The following ABCD4 variants were observed in gnomAD, a reference collection of about 807,000 sequenced individuals.
The protein encoded by ABCD4 is lysosomal cobalamin transporter ABCD4.
A neutral mutation model predicts 86.3 loss-of-function variants in ABCD4; 53 were observed. The ratio of observed to expected loss-of-function variants is 0.61; its 90% confidence interval spans 0.49 to 0.77. The LOEUF (loss-of-function observed/expected upper bound fraction) is 0.77, where lower values mean the gene tolerates loss of function less well. Among genes scored for constraint, ABCD4 ranks in the 30% least tolerant of loss-of-function variants. The pLI is 0.00. For synonymous variants in ABCD4, 328 were observed against 313.6 expected (o/e 1.05, Z -0.49); for missense variants, 757 against 764.5 (o/e 0.99, Z 0.12).
At chr14:74,299,367 C>T (rs993810964) in intron 3 of ABCD4, 181 bp downstream of exon 3, 3 of 704,842 alleles carry the variant, frequency 4.3e-6, no homozygotes, top group South Asian at 3.6e-5. Flanking sequence ...ATCAGTCCCA[C>T]GTGGGCCAAT....
At chr14:74,289,660 G>C in intron 13 of ABCD4, 141 bp from the exon 14 acceptor site, 1 of 1,469,088 alleles carries the variant, frequency 6.8e-7, no homozygotes, top group East Asian at 2.5e-5. Flanking sequence ...GATGGGAGAG[G>C]CTCTGGCCGG....
intron 17 of ABCD4, 66 bp downstream of exon 17, chr14:74,287,744 C>T (rs952699224): frequency 1.1e-4 from 158 of 1,465,414 alleles, no homozygotes; most frequent in East Asian, 9.0e-4. Context: ...TGCCTGTGAA[C>T]ACATGCTGCT....
intron 4 of ABCD4, chr14:74,297,142 C>T (rs1187185733): frequency 6.6e-6 from 1 of 152,274 alleles, no homozygotes; most frequent in East Asian, 1.9e-4. Context: ...AGTGACGTGA[C>T]CTTGGGCAAG....
intron 14 of ABCD4, 37 bp from the exon 15 acceptor site, chr14:74,288,802 C>G (rs2080571284): frequency 1.2e-6 from 2 of 1,607,662 alleles, no homozygotes; most frequent in Admixed American, 1.7e-5. Flanking sequence ...AAAGCCAGAG[C>G]CTCCTGGCTG....
intron 7 of ABCD4, 161 bp from the exon 8 acceptor site, chr14:74,293,409 T>TGC: frequency 1.7e-6 from 1 of 601,186 alleles, no homozygotes; most frequent in Non-Finnish European, 2.9e-6. Context: ...GCTTCAGTCA[T>TGC]GCCTTAATGG....
rs1405106858 is a variant in ABCD4 at position 74,292,773 on chromosome 14, G to C, written c.911C>G (p.Ala304Gly). The stretch of plus-strand genomic sequence containing the variant: ...CTTGCTGACCAGGGTGCTAAGCTCT[G>C]CGGGACTCAGGTCTCCATAGACCCC... ...FSGVYGDLSPAELSTLVSKNA... is the reference protein window; with the variant it reads ...FSGVYGDLSPGELSTLVSKNA... Residue 304 changes from alanine to glycine, a missense_variant, in exon 9 of 19, where the codon GCA (alanine) becomes GGA (glycine). Transcript: ENST00000356924. 6.2e-7 allele frequency: 1 copy of C among 1,614,130 alleles called. No homozygotes were observed. Among genetic ancestry groups the C allele is most frequent in the Non-Finnish European group, 8.5e-7 (1 of 1,180,000 alleles).
intron 1 of ABCD4, among the ~76,000 whole-genome samples, chr14:74,300,593 C>CAAA (rs576021856): frequency 2.0e-5 from 1 of 51,076 alleles, no homozygotes; most frequent in South Asian, 6.8e-4. Context: ...AACTCCGTCT[C>CAAA]AAAAAAAAAA....
chr14:74,295,487 G>GACAAGAAGCACAGGGCAGGC lies in ABCD4; in HGVS notation c.669-309_669-290dup, dbSNP rs1408465367. On this transcript the variant is annotated intron_variant, in intron 6 of 18. Transcript: ENST00000356924. ...CCCAGGGCCTGGCCCAAAGGAGGGG[G>GACAAGAAGCACAGGGCAGGC]ACAAGAAGCACAGGGCAGGCACTGG... Among the ~76,000 whole-genome samples the GACAAGAAGCACAGGGCAGGC allele has an allele frequency of 3.9e-5, 6 of 152,324 alleles. No individual in the cohort carries two copies. In the East Asian group the frequency reaches 1.2e-3, roughly 29 times the overall value.
At chr14:74,289,979 G>A (rs771616156) in intron 13 of ABCD4, 48 bp downstream of exon 13, 2 of 1,612,880 alleles carry the variant, frequency 1.2e-6, no homozygotes, top group Admixed American at 1.7e-5. Flanking sequence ...CCAGCTGTGG[G>A]TGGGCGGGGT....
rs117246905 is a variant in ABCD4 at position 74,290,264 on chromosome 14, C to T, written c.1327+27G>A. The T allele has an allele frequency of 1.8e-4, 294 of 1,613,746 alleles. 1 individual carries two copies. In the East Asian group the frequency reaches 6.0e-3, roughly 33 times the overall value. ...CCCACCCCTAGGGCCCAGGCTGGGT[C>T]AGAGGCAGGGAGGGCCTGGCTCTCA... On this transcript the variant is annotated intron_variant, in intron 12 of 18. Coordinates refer to ENST00000356924, the MANE Select transcript of ABCD4 (RefSeq NM_005050.4).
chr14:74,289,665 G>T, intron 13 of ABCD4, 146 bp from the exon 14 acceptor site: 1 of 1,464,914 alleles, frequency 6.8e-7, no homozygotes, highest in Non-Finnish European at 9.0e-7. Flanking sequence ...GAGAGGCTCT[G>T]GCCGGCAGAC....
At chr14:74,296,232 G>A (rs2082821026) in intron 5 of ABCD4, 101 bp downstream of exon 5, 1 of 1,281,622 alleles carries the variant, frequency 7.8e-7, no homozygotes, top group Admixed American at 1.7e-5. Flanking sequence ...GTAAGGTACG[G>A]TGGGAGAGAG....
chr14:74,295,275 A>C, intron 6 of ABCD4, 77 bp from the exon 7 acceptor site: 1 of 1,559,372 alleles, frequency 6.4e-7, no homozygotes. Flanking sequence ...TGGATCACAA[A>C]GACCGCCCAA....
chr14:74,292,795 C>A lies in ABCD4; in HGVS notation c.889G>T (p.Val297Phe), dbSNP rs1490577771. The change falls in exon 9 of 19, where the codon GTC becomes TTC. Residue 297 changes from valine (V) to phenylalanine (F), a missense_variant. By Grantham distance (50) the Val-to-Phe change is conservative. Transcript: ENST00000356924. ...VVIAIPIFSG[V>F]YGDLSPAELS... ...TCTGCGGGACTCAGGTCTCCATAGACCCCGCTGAAAATGGGGATTGCGATG... is the reference window on the plus strand; with the variant it reads ...TCTGCGGGACTCAGGTCTCCATAGAACCCGCTGAAAATGGGGATTGCGATG... 18 of 1,614,016 alleles carry A rather than the reference C, an allele frequency of 1.1e-5. No individual in the cohort carries two copies. Among genetic ancestry groups the A allele is most frequent in the Non-Finnish European group, 1.4e-5 (17 of 1,180,024 alleles).
chr14:74,299,992 G>C, intron 2 of ABCD4, 158 bp downstream of exon 2: 1 of 599,294 alleles, frequency 1.7e-6, no homozygotes. Flanking sequence ...GAACCAGGGA[G>C]GCAGAGGTTG....
chr14:74,286,890 C>A, intron 17 of ABCD4, 74 bp from the exon 18 acceptor site: 3 of 1,418,688 alleles, frequency 2.1e-6, no homozygotes, highest in Non-Finnish European at 2.9e-6. Context: ...CCCACCCATA[C>A]TCAACCCCAG....
rs74954549 is a variant in ABCD4 at position 74,294,847 on chromosome 14, G to A, written c.719+301C>T. ...AACAGACAGAAGAGCAGAGGCAGAC[G>A]GATGTCTTACAGTCACCAGCAAGAG... On this transcript the variant is annotated intron_variant, in intron 7 of 18. Coordinates refer to ENST00000356924, the MANE Select transcript of ABCD4 (RefSeq NM_005050.4). 3.1e-3 allele frequency: 1,315 copies of A among 425,526 alleles called. 2 individuals are homozygous for A. The highest frequency in any genetic ancestry group is 0.013 in the African/African-American group (655 of 49,942). The allele number at this position is 425,526 out of a possible 1,614,324, so 26.4% of individuals were successfully genotyped here.
In ABCD4 at chr14:74,297,975, C is replaced by T. The variant is rs138755259; in HGVS notation, c.380G>A (p.Arg127His). Residue 127 changes from arginine to histidine, a missense_variant, in exon 4 of 19, where the codon CGT (arginine) becomes CAT (histidine). Physicochemically the swap from Arg to His is conservative, Grantham distance 29. Transcript: ENST00000356924. The part of the protein sequence containing the change: ...EHLHRLYFRG[R>H]AYYTLNVLRD... ...CAGCACGTTGAGGGTGTAGTACGCA[C>T]GGCCCCGGAAGTAGAGGCGGTGAAG... 15 of 1,613,872 alleles carry T rather than the reference C, an allele frequency of 9.3e-6. No individual in the cohort carries two copies. The highest frequency in any genetic ancestry group is 2.2e-5 in the East Asian group (1 of 44,896).
Position 74,292,321 on chromosome 14 carries a change from C to G in ABCD4, c.1084G>C (p.Glu362Gln). The G allele has an allele frequency of 6.2e-7, 1 of 1,614,096 alleles. No individual in the cohort carries two copies. Among genetic ancestry groups the G allele is most frequent in the Non-Finnish European group, 8.5e-7 (1 of 1,180,032 alleles). The change falls in exon 11 of 19, where the codon GAG becomes CAG. Residue 362 changes from glutamate (E) to glutamine (Q), a missense_variant. Coordinates refer to ENST00000356924, the MANE Select transcript of ABCD4 (RefSeq NM_005050.4). ...CCCCACTCGCTCTCGCCCAGGATCT[C>G]GCAGTCCTGTGACTTCAGGGACATG... ...LDMSLKSQDC[E>Q]ILGESEWGLD...
Sources: gnomAD v4.1 joint callset for allele counts (sites outside exome capture counted in the v4.1 genomes callset) on GRCh38, gnomAD v4.1.1 for gene constraint, MANE v1.5 for transcripts, NCBI Gene and HGNC (gene_info 2026-07-23, HGNC 2026-07-21) for gene names.